The following FANCC variants were observed in gnomAD, a reference collection of about 807,000 sequenced individuals.
FANCC encodes the protein Fanconi anemia group C protein.
FANCC carries 55 observed loss-of-function variants against 71.3 expected under a neutral mutation model. The observed-to-expected ratio is 0.77, with a 90% CI of 0.62 to 0.97. FANCC has a LOEUF of 0.97. FANCC is among the 50% of genes least tolerant of loss of function. The probability of loss-of-function intolerance (pLI) is 0.00; values close to 1 mark genes in which losing one functional copy is unlikely to be tolerated. For missense variants in FANCC, 678 were observed against 670.9 expected (o/e 1.01, Z -0.12); for synonymous variants, 275 against 244.9 (o/e 1.12, Z -1.15).
At chr9:95,311,354 T>C (rs1263465069) in intron 1 of FANCC, among the ~76,000 whole-genome samples, 1 of 151,584 alleles carries the variant, frequency 6.6e-6, no homozygotes, top group African/African-American at 2.4e-5. Flanking sequence ...TATAATGTTA[T>C]AGCTTTAAGT....
intron 7 of FANCC, among the ~76,000 whole-genome samples, chr9:95,143,248 G>A (rs539087148): frequency 1.1e-4 from 16 of 152,290 alleles, no homozygotes; most frequent in Admixed American, 6.5e-4. Flanking sequence ...CTCCAGGCAC[G>A]TCACCTTCCC....
chr9:95,133,293 G>A (rs1364674366), intron 8 of FANCC, among the ~76,000 whole-genome samples: 5 of 152,326 alleles, frequency 3.3e-5, no homozygotes, highest in East Asian at 1.9e-4. Context: ...TTGTAATTAC[G>A]TCCTTGAACC....
Position 95,172,149 on chromosome 9 carries a change from TA to T in FANCC, c.346-3del, listed in dbSNP as rs766373744. 8 of 1,574,670 alleles carry T rather than the reference TA, an allele frequency of 5.1e-6. No individual in the cohort carries two copies. Among genetic ancestry groups the T allele is most frequent in the South Asian group, 2.2e-5 (2 of 89,532 alleles). On this transcript the variant is annotated splice_region_variant and splice_polypyrimidine_tract_variant and intron_variant, in intron 4 of 14. Coordinates refer to ENST00000289081, the MANE Select transcript of FANCC (RefSeq NM_000136.3). ...TGAAAGTATATGAGATAATACACCC[TA>T]AAAAACATAAACAGAAAAAGTTAAC...
intron 4 of FANCC, among the ~76,000 whole-genome samples, chr9:95,239,842 A>G (rs1350108897): frequency 6.6e-6 from 1 of 152,234 alleles, no homozygotes; most frequent in Non-Finnish European, 1.5e-5. Context: ...CTGATAGACA[A>G]AACCATATGC....
chr9:95,143,429 G>A (rs1829062842), intron 7 of FANCC, among the ~76,000 whole-genome samples: 1 of 152,122 alleles, frequency 6.6e-6, no homozygotes, highest in South Asian at 2.1e-4. Context: ...CCCCCATCCC[G>A]AGGCTATCTG....
intron 3 of FANCC, among the ~76,000 whole-genome samples, chr9:95,243,848 G>T (rs1830776719): frequency 6.6e-6 from 1 of 152,192 alleles, no homozygotes; most frequent in Non-Finnish European, 1.5e-5. Context: ...CTTCCAGGAA[G>T]AAAGCGCCCA....
chr9:95,135,349 C>G lies in FANCC; in HGVS notation c.840G>C (p.Ser280=). ...RRIECFIKDS[S]LPQAACHPAI... is the part of the protein sequence containing the mutation. ...TTCATCAAAACCCAGTACGTACCAG[C>G]GATGAATCTTTTATAAAGCATTCGA... The change falls in exon 8 of 15, where the codon TCG becomes TCC. Residue 280 remains serine (S), a synonymous_variant. Transcript: ENST00000289081. 6.2e-7 allele frequency: 1 copy of G among 1,613,856 alleles called. No individual in the cohort carries two copies. Among genetic ancestry groups the G allele is most frequent in the Non-Finnish European group, 8.5e-7 (1 of 1,179,934 alleles).
rs545979352 is a variant in FANCC, at chr9:95,244,714, C to A, written c.250+2718G>T. Reference sequence around the variant, plus strand: ...AAAAAAAAAAAAAAAAAAAAAAAAACCCAACACTTGGTAAATACCTGCTGA... The same window carrying A: ...AAAAAAAAAAAAAAAAAAAAAAAAAACCAACACTTGGTAAATACCTGCTGA... On this transcript the variant is annotated intron_variant, in intron 3 of 14. Transcript: ENST00000289081. Among the ~76,000 whole-genome samples, 576 of 96,572 alleles carry A rather than the reference C, an allele frequency of 6.0e-3. 7 individuals carry two copies. Among genetic ancestry groups the A allele is most frequent in the African/African-American group, 0.018 (467 of 25,450 alleles). The allele number at this position is 96,572 out of a possible 152,430, so 63.4% of individuals were successfully genotyped here. A position where few individuals can be genotyped will look rare whatever the true frequency, so the allele number is the denominator to read the frequency against.
chr9:95,277,451 G>A (rs753156443), intron 1 of FANCC, among the ~76,000 whole-genome samples: 22 of 152,148 alleles, frequency 1.4e-4, no homozygotes, highest in Non-Finnish European at 2.6e-4. Flanking sequence ...ATATATACAT[G>A]TGTTGAAACA....
intron 1 of FANCC, among the ~76,000 whole-genome samples, chr9:95,303,661 G>A (rs2031599): frequency 0.38 from 58,481 of 151,960 alleles, 11,839 homozygotes; most frequent in East Asian, 0.58. Context: ...TTGTGCTCAT[G>A]TGGGGAGAGA....
chr9:95,161,264 C>A (rs1403529584), intron 6 of FANCC, among the ~76,000 whole-genome samples: 2 of 152,152 alleles, frequency 1.3e-5, no homozygotes, highest in African/African-American at 4.8e-5. Flanking sequence ...CTGACTCCAA[C>A]AGGAAGGAGG....
intron 4 of FANCC, among the ~76,000 whole-genome samples, chr9:95,209,632 G>A (rs543789311): frequency 1.3e-5 from 2 of 152,326 alleles, no homozygotes; most frequent in South Asian, 4.1e-4. Context: ...TCTCATTTCA[G>A]TAAATGGCAA....
chr9:95,232,246 A>G (rs1350961780), intron 4 of FANCC, among the ~76,000 whole-genome samples: 4 of 152,186 alleles, frequency 2.6e-5, no homozygotes, highest in Admixed American at 1.3e-4. Flanking sequence ...GTGAGAAACC[A>G]TCCTCATGAT....
intron 1 of FANCC, among the ~76,000 whole-genome samples, chr9:95,269,473 A>T (rs1291579826): frequency 2.0e-5 from 3 of 152,244 alleles, no homozygotes; most frequent in Admixed American, 2.0e-4. Context: ...ATCCATTAAT[A>T]AAATTGAATA....
intron 4 of FANCC, among the ~76,000 whole-genome samples, chr9:95,196,961 G>T (rs1284134521): frequency 6.6e-6 from 1 of 152,146 alleles, no homozygotes; most frequent in Non-Finnish European, 1.5e-5. Flanking sequence ...CTCTGACTGA[G>T]AACATATTTA....
At chr9:95,298,529 G>T (rs1277863438) in intron 1 of FANCC, among the ~76,000 whole-genome samples, 1 of 152,192 alleles carries the variant, frequency 6.6e-6, no homozygotes, top group Non-Finnish European at 1.5e-5. Context: ...ATAACCCAGG[G>T]AGGATGAGAA....
intron 1 of FANCC, among the ~76,000 whole-genome samples, chr9:95,308,291 C>T (rs535481430): frequency 6.6e-6 from 1 of 151,698 alleles, no homozygotes; most frequent in African/African-American, 2.4e-5. Context: ...GTCACCCAGG[C>T]TGGAGTGCAG....
intron 7 of FANCC, among the ~76,000 whole-genome samples, chr9:95,144,816 G>C (rs1829303897): frequency 6.6e-6 from 1 of 152,186 alleles, no homozygotes; most frequent in Non-Finnish European, 1.5e-5. Flanking sequence ...GTGCTCCATT[G>C]CGGGTGTTGG....
At chr9:95,259,949 T>C (rs147171462) in intron 1 of FANCC, among the ~76,000 whole-genome samples, 3 of 152,328 alleles carry the variant, frequency 2.0e-5, no homozygotes, top group Admixed American at 1.3e-4. Flanking sequence ...AAGTTCATCA[T>C]CACTGGTCAC....
Sources: allele counts gnomAD v4.1 joint callset (sites outside exome capture counted in the v4.1 genomes callset), GRCh38; gene constraint gnomAD v4.1.1; transcripts MANE v1.5; gene names NCBI Gene and HGNC (gene_info 2026-07-23, HGNC 2026-07-21).